The following SGCZ variants were observed in gnomAD, a reference collection of about 807,000 sequenced individuals.
SGCZ encodes zeta-sarcoglycan.
Under a neutral mutation model 41.3 loss-of-function variants are expected in SGCZ, and 40 were observed. That is an observed-to-expected ratio of 0.97 (90% CI 0.75 to 1.26). The LOEUF is 1.26. Among genes scored for constraint, SGCZ ranks in the 50% most tolerant of loss-of-function variants. SGCZ has a pLI of 0.00. For synonymous variants in SGCZ, 206 were observed against 137.5 expected (o/e 1.50, Z -3.49); for missense variants, 552 against 369.8 (o/e 1.49, Z -4.04).
chr8:14,904,631 A>C (rs1799070846), intron 1 of SGCZ, among the ~76,000 whole-genome samples: 1 of 152,028 alleles, frequency 6.6e-6, no homozygotes, highest in Admixed American at 6.6e-5. Context: ...CCAACTGCAC[A>C]ATTTATTGAG....
intron 3 of SGCZ, among the ~76,000 whole-genome samples, chr8:14,298,257 C>T (rs1396094672): frequency 6.6e-6 from 1 of 151,784 alleles, no homozygotes; most frequent in African/African-American, 2.4e-5. Flanking sequence ...GAATATCATA[C>T]TGAATAGAAA....
chr8:14,329,934 C>T (rs1467879305), intron 2 of SGCZ, among the ~76,000 whole-genome samples: 3 of 151,978 alleles, frequency 2.0e-5, no homozygotes, highest in African/African-American at 7.2e-5. Context: ...TTTTTCAGAA[C>T]AGCTCCACGT....
At chr8:15,011,248 T>C (rs1426082240) in intron 1 of SGCZ, among the ~76,000 whole-genome samples, 1 of 152,162 alleles carries the variant, frequency 6.6e-6, no homozygotes, top group Admixed American at 6.5e-5. Context: ...TTTTGGTACT[T>C]CACTGTAGTT....
intron 3 of SGCZ, among the ~76,000 whole-genome samples, chr8:14,292,618 T>C (rs556199627): frequency 2.0e-5 from 3 of 152,150 alleles, no homozygotes; most frequent in South Asian, 4.1e-4. Context: ...TATGACAATA[T>C]GGCCTGGTAA....
intron 1 of SGCZ, among the ~76,000 whole-genome samples, chr8:15,125,084 G>A (rs1398705405): frequency 1.3e-5 from 2 of 152,046 alleles, no homozygotes; most frequent in African/African-American, 2.4e-5. Context: ...TCATTTTATG[G>A]ATACTGACCC....
intron 1 of SGCZ, among the ~76,000 whole-genome samples, chr8:14,952,216 A>G (rs1800662841): frequency 6.6e-6 from 1 of 152,130 alleles, no homozygotes; most frequent in Admixed American, 6.6e-5. Flanking sequence ...CTGTTTTGTT[A>G]TGTCACCAAG....
chr8:14,464,661 T>C (rs75598349), intron 2 of SGCZ, among the ~76,000 whole-genome samples: 6,207 of 151,650 alleles, frequency 0.041, 400 homozygotes, highest in African/African-American at 0.14. Context: ...TTCTTCTTTT[T>C]ATCATTCTTT....
chr8:14,777,199 G>T (rs1378919346), intron 1 of SGCZ, among the ~76,000 whole-genome samples: 1 of 152,086 alleles, frequency 6.6e-6, no homozygotes, highest in Non-Finnish European at 1.5e-5. Context: ...AGAAACTAGG[G>T]CATTTCACTA....
At chr8:15,217,955 G>A (rs1013260284) in intron 1 of SGCZ, among the ~76,000 whole-genome samples, 4 of 152,190 alleles carry the variant, frequency 2.6e-5, no homozygotes, top group Middle Eastern at 3.4e-3. Context: ...ACGGGGTGGC[G>A]TGTGCTTGTA....
At chr8:15,235,723 G>A (rs553249624) in intron 1 of SGCZ, among the ~76,000 whole-genome samples, 1 of 151,804 alleles carries the variant, frequency 6.6e-6, no homozygotes, top group South Asian at 2.1e-4. Context: ...GAAACTAAAG[G>A]GATTTCAGGG....
intron 1 of SGCZ, among the ~76,000 whole-genome samples, chr8:14,709,770 A>T (rs927339961): frequency 2.8e-4 from 43 of 152,176 alleles, no homozygotes; most frequent in Admixed American, 2.7e-3. Context: ...ACATTGCAAG[A>T]GGAGTATATG....
intron 1 of SGCZ, among the ~76,000 whole-genome samples, chr8:14,815,255 T>TTG (rs398073227): frequency 6.6e-6 from 1 of 151,628 alleles, no homozygotes. Flanking sequence ...TTTTTTTTTT[T>TTG]GAAATTTAGA....
At chr8:14,191,996 G>A (rs557805993) in intron 4 of SGCZ, among the ~76,000 whole-genome samples, 1 of 152,042 alleles carries the variant, frequency 6.6e-6, no homozygotes, top group East Asian at 1.9e-4. Context: ...TAACCCTTTG[G>A]TCACACTTTG....
intron 1 of SGCZ, among the ~76,000 whole-genome samples, chr8:14,896,867 G>A (rs1171436804): frequency 2.6e-5 from 4 of 151,642 alleles, no homozygotes; most frequent in South Asian, 2.1e-4. Flanking sequence ...TGCAACCTCC[G>A]CCTCCTGGGT....
intron 1 of SGCZ, among the ~76,000 whole-genome samples, chr8:15,041,512 T>G (rs62493675): frequency 0.061 from 9,308 of 152,044 alleles, 351 homozygotes; most frequent in Middle Eastern, 0.095. Context: ...TAGTTAAATA[T>G]GCAATTTCTT....
At chr8:14,157,586 G>A (rs1194534603) in intron 5 of SGCZ, among the ~76,000 whole-genome samples, 2 of 150,632 alleles carry the variant, frequency 1.3e-5, no homozygotes, top group African/African-American at 4.9e-5. Flanking sequence ...AAGTACTTGT[G>A]CAGAAAAATA....
At chr8:14,711,598 T>TAAAAAA (rs200467876) in intron 1 of SGCZ, among the ~76,000 whole-genome samples, 2 of 80,290 alleles carry the variant, frequency 2.5e-5, no homozygotes, top group Non-Finnish European at 4.8e-5. Context: ...TGAGACTCTG[T>TAAAAAA]AAAAAAAAAA....
At chr8:14,385,013 A>G (rs1804519057) in intron 2 of SGCZ, among the ~76,000 whole-genome samples, 1 of 152,224 alleles carries the variant, frequency 6.6e-6, no homozygotes, top group South Asian at 2.1e-4. Context: ...GATAGCAAGA[A>G]CTAATATATC....
chr8:14,516,442 T>A (rs1802623077), intron 2 of SGCZ, among the ~76,000 whole-genome samples: 1 of 152,058 alleles, frequency 6.6e-6, no homozygotes, highest in Non-Finnish European at 1.5e-5. Context: ...AAGACACATT[T>A]ATCAATTTAA....
Sources: gnomAD v4.1 joint callset for allele counts (sites outside exome capture counted in the v4.1 genomes callset) on GRCh38, gnomAD v4.1.1 for gene constraint, MANE v1.5 for transcripts, NCBI Gene and HGNC (gene_info 2026-07-23, HGNC 2026-07-21) for gene names.